LPAR1: variants seen among roughly 807,000 people sequenced by gnomAD.
The protein encoded by LPAR1 is lysophosphatidic acid receptor 1, also known as LPA receptor 1.
Under a neutral mutation model 23.8 loss-of-function variants are expected in LPAR1, and 5 were observed. That is an observed-to-expected ratio of 0.21 (90% CI 0.11 to 0.44). The LOEUF (loss-of-function observed/expected upper bound fraction) is 0.44, where lower values mean the gene tolerates loss of function less well. LPAR1 is among the 20% of genes least tolerant of loss of function. The probability of loss-of-function intolerance (pLI) is 0.99; values close to 1 mark genes in which losing one functional copy is unlikely to be tolerated. For synonymous variants in LPAR1, 160 were observed against 164.7 expected (o/e 0.97, Z 0.22); for missense variants, 311 against 482.8 (o/e 0.64, Z 3.33).
intron 5 of LPAR1, among the ~76,000 whole-genome samples, chr9:110,914,432 G>A (rs1346583467): frequency 6.6e-6 from 1 of 152,174 alleles, no homozygotes; most frequent in Non-Finnish European, 1.5e-5. Flanking sequence ...CAGGTCTCAT[G>A]AGACTTATTC....
chr9:111,033,918 A>G (rs952332291), intron 2 of LPAR1, among the ~76,000 whole-genome samples: 1 of 152,184 alleles, frequency 6.6e-6, no homozygotes. Context: ...ATTCAAAGAC[A>G]TCCAAGTCAG....
At chr9:110,892,822 A>G (rs148716479) in intron 5 of LPAR1, among the ~76,000 whole-genome samples, 1 of 86,260 alleles carries the variant, frequency 1.2e-5, no homozygotes, top group South Asian at 4.6e-4. Context: ...GGAAGGAAGG[A>G]AGGAAGGCAG....
intron 4 of LPAR1, among the ~76,000 whole-genome samples, chr9:110,943,757 G>A (rs2095266503): frequency 6.6e-6 from 1 of 151,722 alleles, no homozygotes. Flanking sequence ...CTACTCAGGA[G>A]GCTGAAGCAG....
chr9:110,891,058 T>C (rs2084005018), intron 5 of LPAR1, among the ~76,000 whole-genome samples: 1 of 152,224 alleles, frequency 6.6e-6, no homozygotes. Flanking sequence ...ACTGACATTC[T>C]AGTCAATGAA....
chr9:110,937,318 T>C (rs1206428282), intron 5 of LPAR1, among the ~76,000 whole-genome samples: 1 of 152,218 alleles, frequency 6.6e-6, no homozygotes, highest in Non-Finnish European at 1.5e-5. Context: ...AAATACAGCA[T>C]GTGCTGCTAG....
intron 2 of LPAR1, among the ~76,000 whole-genome samples, chr9:111,014,452 T>C (rs535064445): frequency 6.6e-6 from 1 of 152,054 alleles, no homozygotes; most frequent in South Asian, 2.1e-4. Flanking sequence ...ATCCTTCCCA[T>C]CCTTCTCTCT....
At chr9:110,948,700 C>G (rs1419439689) in intron 4 of LPAR1, among the ~76,000 whole-genome samples, 3 of 151,972 alleles carry the variant, frequency 2.0e-5, no homozygotes, top group African/African-American at 7.3e-5. Flanking sequence ...ATAAATAGTC[C>G]TTAGATGCAC....
chr9:110,969,786 T>A (rs897667981), intron 4 of LPAR1, among the ~76,000 whole-genome samples: 1 of 152,178 alleles, frequency 6.6e-6, no homozygotes, highest in African/African-American at 2.4e-5. Flanking sequence ...ATTCATTAAG[T>A]CTTTCTACTA....
In LPAR1 at chr9:110,941,848, G is replaced by C. The variant is rs1347596365; in HGVS notation, c.366C>G (p.Leu122=). ...TGGTGTCAATGAGGCCCTGACGAAG[G>C]AGCCATGTGCTAACAGTCAGTCTCC... The part of the protein sequence containing the change: ...NTRRLTVSTW[L]LRQGLIDTSL... The change falls in exon 5 of 6, where the codon CTC becomes CTG. Residue 122 remains leucine, a synonymous_variant. Transcript: ENST00000683809. The surrounding 1 kb of genome is among the most constrained non-coding windows in gnomAD (Gnocchi z 6.1). 1 of 1,614,220 alleles carries C rather than the reference G, an allele frequency of 6.2e-7. No homozygotes were observed. The highest frequency in any genetic ancestry group is 1.3e-5 in the African/African-American group (1 of 75,060).
At chr9:110,958,384 T>C (rs574240146) in intron 4 of LPAR1, among the ~76,000 whole-genome samples, 61 of 152,246 alleles carry the variant, frequency 4.0e-4, no homozygotes, top group Middle Eastern at 3.4e-3. Flanking sequence ...AACAGACACA[T>C]AGACCAATGG....
intron 5 of LPAR1, among the ~76,000 whole-genome samples, chr9:110,881,067 G>T (rs1051500582): frequency 3.3e-5 from 5 of 152,252 alleles, no homozygotes; most frequent in African/African-American, 1.2e-4. Flanking sequence ...TTTTCTAAAA[G>T]AATAACCCAG....
chr9:110,978,002 C>T (rs1314873774), intron 2 of LPAR1, among the ~76,000 whole-genome samples: 1 of 151,904 alleles, frequency 6.6e-6, no homozygotes, highest in African/African-American at 2.4e-5. Flanking sequence ...AATCTAAATC[C>T]ACCAGGCAAA....
At chr9:111,037,415 C>T (rs912304939) in intron 1 of LPAR1, among the ~76,000 whole-genome samples, 25 of 152,198 alleles carry the variant, frequency 1.6e-4, no homozygotes, top group Non-Finnish European at 3.4e-4. Flanking sequence ...TGAATGCCTT[C>T]ACTCTTAACA....
intron 2 of LPAR1, among the ~76,000 whole-genome samples, chr9:111,009,845 G>A (rs1399260420): frequency 6.6e-6 from 1 of 151,286 alleles, no homozygotes; most frequent in African/African-American, 2.4e-5. Context: ...TAAATATGGA[G>A]GGGAAAAGAC....
intron 5 of LPAR1, among the ~76,000 whole-genome samples, chr9:110,922,708 G>A (rs1340298465): frequency 1.3e-5 from 2 of 151,814 alleles, no homozygotes; most frequent in African/African-American, 4.8e-5. Flanking sequence ...GACAGTATGA[G>A]CACTGAACTG....
chr9:110,886,409 A>G (rs1348663358), intron 5 of LPAR1, among the ~76,000 whole-genome samples: 1 of 132,394 alleles, frequency 7.6e-6, no homozygotes, highest in African/African-American at 2.7e-5. Flanking sequence ...ATTACCCATC[A>G]ATAACCAAAG....
At chr9:110,892,826 A>AGGAAGGC (rs1564386422) in intron 5 of LPAR1, among the ~76,000 whole-genome samples, 12 of 65,430 alleles carry the variant, frequency 1.8e-4, no homozygotes, top group African/African-American at 4.1e-4. Context: ...GGAAGGAAGG[A>AGGAAGGC]AGGCAGGCAG....
intron 2 of LPAR1, among the ~76,000 whole-genome samples, chr9:111,000,183 A>G: frequency 6.6e-6 from 1 of 152,174 alleles, no homozygotes; most frequent in Non-Finnish European, 1.5e-5. Flanking sequence ...TACCCCTTTC[A>G]GAAGCTCTGT....
chr9:110,990,699 G>T (rs1197499359), intron 2 of LPAR1, among the ~76,000 whole-genome samples: 2 of 151,328 alleles, frequency 1.3e-5, no homozygotes, highest in Non-Finnish European at 3.0e-5. Context: ...AACTAGAAAA[G>T]GATAATTTAA....
Sources: gnomAD v4.1 joint callset for allele counts (sites outside exome capture counted in the v4.1 genomes callset) on GRCh38, gnomAD v4.1.1 for gene constraint, Gnocchi (gnomAD v3.1) non-coding constraint, MANE v1.5 for transcripts, NCBI Gene and HGNC (gene_info 2026-07-23, HGNC 2026-07-21) for gene names.